SCAMP2: variants seen among roughly 807,000 people sequenced by gnomAD.
SCAMP2 encodes secretory carrier-associated membrane protein 2.
SCAMP2 carries 25 observed loss-of-function variants against 44.1 expected under a neutral mutation model. That is an observed-to-expected ratio of 0.57 (90% confidence interval 0.41 to 0.79). The LOEUF is 0.79. Ranked by LOEUF, SCAMP2 falls within the 30% of genes least tolerant of loss-of-function variation. The pLI, the probability that SCAMP2 is intolerant of heterozygous loss-of-function variation, is 0.00. For missense variants in SCAMP2, 355 were observed against 411.0 expected, an observed-to-expected ratio of 0.86 and a Z score of 1.18; for synonymous variants, 156 against 166.0, an observed-to-expected ratio of 0.94 and a Z score of 0.46.
At position 74,848,654 on chromosome 15, in the gene SCAMP2, C is replaced by CA. The variant is rs2064414898; in HGVS notation, c.679dup (p.Cys227LeufsTer30). ...CTGGATGATGTAGATCCCTATTTGA[C>CA]AAAAAAATACAAAGAAGAACACAAA... On this transcript the variant is annotated frameshift_variant, in exon 7 of 9. Coordinates refer to ENST00000268099, the MANE Select transcript of SCAMP2 (RefSeq NM_005697.5). LOFTEE classifies it high-confidence loss of function. 1.2e-6 allele frequency: 2 copies of CA among 1,613,600 alleles called. No homozygotes were observed. The highest frequency in any genetic ancestry group is 1.7e-6 in the Non-Finnish European group (2 of 1,179,702).
chr15:74,857,086 C>G (rs1423952020), intron 1 of SCAMP2, among the ~76,000 whole-genome samples: 1 of 152,106 alleles, frequency 6.6e-6, no homozygotes, highest in East Asian at 1.9e-4. Flanking sequence ...CAGATACTTC[C>G]TCTTATCTCT....
chr15:74,855,700 G>A lies in SCAMP2; in HGVS notation c.58-1051C>T, dbSNP rs1446624862. 1.1e-4 allele frequency among the ~76,000 whole-genome samples: 11 copies of A among 101,754 alleles called. No homozygotes were observed. The East Asian group carries it at 3.0e-3, about 27-fold the overall frequency. The allele number at this position is 101,754 out of a possible 152,430, so 66.8% of individuals were successfully genotyped here. On this transcript the variant is annotated intron_variant, in intron 1 of 8. Coordinates refer to ENST00000268099, the MANE Select transcript of SCAMP2 (RefSeq NM_005697.5). ...CATTGCTCTCCAGCCTGGGCAACAAGAGCAAAACTCCATCTCAAAAAAAAA... is the reference window on the plus strand; with the variant it reads ...CATTGCTCTCCAGCCTGGGCAACAAAAGCAAAACTCCATCTCAAAAAAAAA...
At chr15:74,848,883 G>C (rs1482821921) in intron 6 of SCAMP2, among the ~76,000 whole-genome samples, 182 bp from the exon 7 acceptor site, 1 of 151,984 alleles carries the variant, frequency 6.6e-6, no homozygotes, top group Non-Finnish European at 1.5e-5. Context: ...TAATCAAGAA[G>C]AGCTTGCCTT....
At position 74,853,671 on chromosome 15, in the gene SCAMP2, AAG is replaced by A. The variant is rs1047790226; in HGVS notation, c.225+348_225+349del. The A allele has an allele frequency of 5.7e-4, 226 of 399,968 alleles. 4 individuals are homozygous for A. Among genetic ancestry groups the A allele is most frequent in the Middle Eastern group, 1.6e-3 (2 of 1,286 alleles). 24.8% of individuals were successfully genotyped at this position (399,968 alleles called of 1,614,324 possible). A position where few individuals can be genotyped will look rare whatever the true frequency, so the allele number is the denominator to read the frequency against. ...GGTGAGAATTAATGAAGTTAAAAAA[AAG>A]AGAGAGATTCTGGGCCCCAAGGAAG... On this transcript the variant is annotated intron_variant, in intron 3 of 8. Coordinates refer to ENST00000268099, the MANE Select transcript of SCAMP2 (RefSeq NM_005697.5).
intron 3 of SCAMP2, chr15:74,853,467 C>G (rs759566340): frequency 2.2e-6 from 1 of 456,464 alleles, no homozygotes; most frequent in South Asian, 1.5e-5. Flanking sequence ...ATTGGGCAGG[C>G]GGGAACTTGC....
intron 1 of SCAMP2, among the ~76,000 whole-genome samples, chr15:74,870,654 A>T (rs531347039): frequency 1.3e-5 from 2 of 152,248 alleles, no homozygotes. Flanking sequence ...GTCAAGAAAC[A>T]TTAAGCTACG....
chr15:74,873,269 C>G lies in SCAMP2; in HGVS notation c.-14G>C. 1 of 1,479,804 alleles carries G rather than the reference C, an allele frequency of 6.8e-7. No homozygotes were observed. Among genetic ancestry groups the G allele is most frequent in the Non-Finnish European group, 8.9e-7 (1 of 1,119,224 alleles). 91.7% of individuals were successfully genotyped at this position (1,479,804 alleles called of 1,614,324 possible). A position where few individuals can be genotyped will look rare whatever the true frequency, so the allele number is the denominator to read the frequency against. ...GAAAGCCGACATGGTGATCGGGGGC[C>G]AGCGGGCGAACTCCGCGAACGCTGC... On this transcript the variant is annotated 5_prime_UTR_variant, in exon 1 of 9. Transcript: ENST00000268099.
chr15:74,859,963 A>G (rs1400133109), intron 1 of SCAMP2, among the ~76,000 whole-genome samples: 1 of 152,126 alleles, frequency 6.6e-6, no homozygotes, highest in Non-Finnish European at 1.5e-5. Context: ...TATCTCACGG[A>G]CTAAAAAAAA....
chr15:74,863,364 A>G (rs1960171497), intron 1 of SCAMP2, among the ~76,000 whole-genome samples: 1 of 148,728 alleles, frequency 6.7e-6, no homozygotes, highest in Non-Finnish European at 1.5e-5. Context: ...AAAAAAAATC[A>G]GCCAGGTCTC....
intron 1 of SCAMP2, among the ~76,000 whole-genome samples, chr15:74,866,001 AGGAAGGAAGGAAGGAAAG>A: frequency 1.1e-5 from 1 of 89,162 alleles, no homozygotes. Flanking sequence ...GAAGGAAGGA[AGGAAGGAAGGAAGGAAAG>A]GAGGGAGGGA....
intron 5 of SCAMP2, among the ~76,000 whole-genome samples, chr15:74,850,946 G>C (rs1456743802): frequency 1.3e-5 from 2 of 152,184 alleles, no homozygotes; most frequent in Admixed American, 1.3e-4. Flanking sequence ...GCTGGTCCTT[G>C]GGGAAGGAAG....
chr15:74,852,049 G>C lies in SCAMP2; in HGVS notation c.343+20C>G. 6.6e-7 allele frequency: 1 copy of C among 1,521,062 alleles called. No homozygotes were observed. The highest frequency in any genetic ancestry group is 8.9e-7 in the Non-Finnish European group (1 of 1,124,794). The allele number at this position is 1,521,062 out of a possible 1,614,324, so 94.2% of individuals were successfully genotyped here. A position where few individuals can be genotyped will look rare whatever the true frequency, so the allele number is the denominator to read the frequency against. On this transcript the variant is annotated intron_variant, in intron 4 of 8. Transcript: ENST00000268099. ...TCTATGCCAGGCAGGGCAGCCCCAG[G>C]CCCCAGCAGCCTCCCTTACCATGCA... is the stretch of plus-strand genomic sequence containing the variant.
intron 5 of SCAMP2, 24 bp from the exon 6 acceptor site, chr15:74,850,697 T>C (rs776320453): frequency 6.2e-7 from 1 of 1,612,006 alleles, no homozygotes; most frequent in Admixed American, 1.7e-5. Context: ...CAGGACAGAG[T>C]TATGACTTGT....
At chr15:74,861,092 T>C (rs1239723945) in intron 1 of SCAMP2, among the ~76,000 whole-genome samples, 2 of 151,162 alleles carry the variant, frequency 1.3e-5, no homozygotes, top group East Asian at 2.0e-4. Context: ...GGAGAATCAC[T>C]TGAACCCAGG....
chr15:74,855,163 G>T (rs1170905652), intron 1 of SCAMP2, among the ~76,000 whole-genome samples: 1 of 151,824 alleles, frequency 6.6e-6, no homozygotes, highest in Non-Finnish European at 1.5e-5. Context: ...GAGTGCAGTG[G>T]CGCAATCTTG....
chr15:74,869,994 A>G (rs1486982643), intron 1 of SCAMP2, among the ~76,000 whole-genome samples: 2 of 152,218 alleles, frequency 1.3e-5, no homozygotes, highest in African/African-American at 4.8e-5. Flanking sequence ...AGCTCTGACC[A>G]GGAGAAGGTT....
rs538613969 is a variant in SCAMP2 at position 74,870,430 on chromosome 15, C to A, written c.57+2769G>T. On this transcript the variant is annotated intron_variant, in intron 1 of 8. Transcript: ENST00000268099. Reference sequence around the variant, plus strand: ...TTCTGATTCTGAGAGGACAAAAAAACACACATAAAAAATGGAAAATCATCA... The same window carrying A: ...TTCTGATTCTGAGAGGACAAAAAAAAACACATAAAAAATGGAAAATCATCA... 7.1e-4 allele frequency among the ~76,000 whole-genome samples: 108 copies of A among 152,160 alleles called. No individual in the cohort carries two copies. The Middle Eastern group carries it at 0.014, about 19-fold the overall frequency.
intron 1 of SCAMP2, among the ~76,000 whole-genome samples, chr15:74,860,468 C>T (rs887784965): frequency 6.6e-6 from 1 of 151,950 alleles, no homozygotes; most frequent in Non-Finnish European, 1.5e-5. Context: ...GCAGGTGGGT[C>T]ACCTGAGGTC....
chr15:74,866,045 GGAAAA>G (rs1371586588), intron 1 of SCAMP2, among the ~76,000 whole-genome samples: 22 of 139,850 alleles, frequency 1.6e-4, no homozygotes, highest in Non-Finnish European at 2.4e-4. Context: ...GGGGAGGGGA[GGAAAA>G]GAAAAGAAAA....
Sources: allele counts gnomAD v4.1 joint callset (sites outside exome capture counted in the v4.1 genomes callset), GRCh38; gene constraint gnomAD v4.1.1; transcripts MANE v1.5; gene names NCBI Gene and HGNC (gene_info 2026-07-23, HGNC 2026-07-21).